The following SNX29 variants were observed in gnomAD, a reference collection of about 807,000 sequenced individuals.
SNX29 encodes the protein sorting nexin 29.
In SNX29, 78 loss-of-function variants were observed where a neutral mutation model predicts 102.1. That is an observed-to-expected ratio of 0.76 (90% CI 0.64 to 0.92). The LOEUF (loss-of-function observed/expected upper bound fraction) is 0.92, where lower values mean the gene tolerates loss of function less well. Ranked by LOEUF, SNX29 falls within the 40% of genes least tolerant of loss-of-function variation. SNX29 has a pLI of 0.00. For missense variants in SNX29, 1,280 were observed against 1,061.7 expected (o/e 1.21, Z -2.86); for synonymous variants, 580 against 414.5 (o/e 1.40, Z -4.85).
At chr16:12,481,545 CACA>C (rs2087931204) in intron 19 of SNX29, among the ~76,000 whole-genome samples, 1 of 131,894 alleles carries the variant, frequency 7.6e-6, no homozygotes, top group East Asian at 2.2e-4. Flanking sequence ...CACACACACA[CACA>C]CACACACCCC....
chr16:12,024,775 A>G (rs1330660036), intron 3 of SNX29, among the ~76,000 whole-genome samples: 2 of 152,248 alleles, frequency 1.3e-5, no homozygotes, highest in African/African-American at 4.8e-5. Context: ...GCAAACTAAT[A>G]GCAATTGTTG....
chr16:12,547,415 C>T (rs901795796), intron 20 of SNX29, among the ~76,000 whole-genome samples: 2 of 152,070 alleles, frequency 1.3e-5, no homozygotes, highest in Non-Finnish European at 1.5e-5. Context: ...AGTTAGGGGA[C>T]CATGTGGGCA....
chr16:12,100,833 G>T (rs527240179), intron 11 of SNX29, among the ~76,000 whole-genome samples: 1 of 152,224 alleles, frequency 6.6e-6, no homozygotes, highest in East Asian at 1.9e-4. Flanking sequence ...TCTGGCCCCT[G>T]GGTGGACTGG....
intron 13 of SNX29, among the ~76,000 whole-genome samples, chr16:12,196,554 T>C (rs1177841177): frequency 1.3e-5 from 2 of 152,040 alleles, no homozygotes; most frequent in Non-Finnish European, 2.9e-5. Flanking sequence ...GGTGCAAACA[T>C]CTCAAATGTC....
At chr16:12,431,565 GAAAT>G (rs2085318010) in intron 18 of SNX29, among the ~76,000 whole-genome samples, 1 of 151,456 alleles carries the variant, frequency 6.6e-6, no homozygotes, top group African/African-American at 2.4e-5. Flanking sequence ...ATCAAAAAGT[GAAAT>G]AAACTCATTC....
At chr16:12,487,492 A>G (rs141144641) in intron 19 of SNX29, among the ~76,000 whole-genome samples, 132 of 152,318 alleles carry the variant, frequency 8.7e-4, no homozygotes, top group African/African-American at 3.1e-3. Context: ...ATCTTGCCCA[A>G]GCTCCCGTAG....
chr16:12,369,301 A>G (rs1317059123), intron 16 of SNX29, among the ~76,000 whole-genome samples: 1 of 151,146 alleles, frequency 6.6e-6, no homozygotes, highest in African/African-American at 2.4e-5. Flanking sequence ...GTGCCCAGCT[A>G]ATTTTTGTAT....
At chr16:12,542,488 C>A (rs1970769) in intron 20 of SNX29, among the ~76,000 whole-genome samples, 2 of 152,166 alleles carry the variant, frequency 1.3e-5, no homozygotes, top group African/African-American at 4.8e-5. Context: ...CCCACTACCA[C>A]ACCTGGCTCA....
At chr16:12,496,121 C>T (rs917023652) in intron 19 of SNX29, among the ~76,000 whole-genome samples, 43 of 152,290 alleles carry the variant, frequency 2.8e-4, no homozygotes, top group African/African-American at 9.9e-4. Context: ...GACATGGAGA[C>T]GTGGAGCCTG....
rs920916454 is a variant in SNX29 at position 12,412,851 on chromosome 16, A to T, written c.2037+9322A>T. On this transcript the variant is annotated intron_variant, in intron 18 of 20. Coordinates refer to ENST00000566228, the MANE Select transcript of SNX29 (RefSeq NM_032167.5). ...GAGAAAATCAAAAGAAGTGTTTTGC[A>T]CTAGATCATACTCTCAGTAGCAAAC... 1.2e-4 allele frequency among the ~76,000 whole-genome samples: 18 copies of T among 152,250 alleles called. 1 individual carries two copies.
At chr16:12,477,941 T>G in intron 19 of SNX29, 82 bp downstream of exon 19, 3 of 1,431,368 alleles carry the variant, frequency 2.1e-6, no homozygotes, top group Non-Finnish European at 2.8e-6. Context: ...GTCCGTTGCT[T>G]AAAAACACAT....
intron 10 of SNX29, among the ~76,000 whole-genome samples, chr16:12,070,423 TGGTGTTTGG>T (rs1307512093): frequency 1.3e-5 from 2 of 149,980 alleles, no homozygotes; most frequent in African/African-American, 2.5e-5. Flanking sequence ...TGAGAACATG[TGGTGTTTGG>T]TTTTTTGTCC....
intron 13 of SNX29, among the ~76,000 whole-genome samples, chr16:12,182,238 T>C (rs997383423): frequency 1.3e-5 from 2 of 150,914 alleles, no homozygotes; most frequent in African/African-American, 4.9e-5. Flanking sequence ...ATTAAAAAAT[T>C]ATTCTGCTGT....
chr16:12,079,274 ATG>A (rs1266382484), intron 11 of SNX29, among the ~76,000 whole-genome samples: 1 of 152,234 alleles, frequency 6.6e-6, no homozygotes, highest in Non-Finnish European at 1.5e-5. Context: ...GAAGAAGAAT[ATG>A]TCTCTCCAAG....
At chr16:12,237,981 A>G (rs148161857) in intron 14 of SNX29, among the ~76,000 whole-genome samples, 1,965 of 152,298 alleles carry the variant, frequency 0.013, 17 homozygotes, top group Non-Finnish European at 0.019. Context: ...CCACAGAAGC[A>G]ACGACGCTGG....
intron 13 of SNX29, among the ~76,000 whole-genome samples, chr16:12,147,354 C>G (rs868724817): frequency 6.6e-6 from 1 of 152,322 alleles, no homozygotes. Context: ...AAAAAAATTA[C>G]CAAAACCCAT....
intron 13 of SNX29, among the ~76,000 whole-genome samples, chr16:12,134,496 CA>C (rs1438740950): frequency 6.6e-6 from 1 of 152,188 alleles, no homozygotes; most frequent in Non-Finnish European, 1.5e-5. Context: ...CAGGAGGCTT[CA>C]GCTCGTTGCC....
intron 11 of SNX29, among the ~76,000 whole-genome samples, chr16:12,120,499 G>C (rs1365835902): frequency 6.6e-6 from 1 of 152,246 alleles, no homozygotes; most frequent in Non-Finnish European, 1.5e-5. Context: ...TGAAAAGGCA[G>C]TTGAAGATCA....
At chr16:12,052,350 G>A in intron 8 of SNX29, 128 bp downstream of exon 8, 2 of 1,018,654 alleles carry the variant, frequency 2.0e-6, no homozygotes, top group Non-Finnish European at 2.9e-6. Flanking sequence ...CCGAGTAGCT[G>A]GGATTACAGG....
Sources: allele counts gnomAD v4.1 joint callset (sites outside exome capture counted in the v4.1 genomes callset), GRCh38; gene constraint gnomAD v4.1.1; transcripts MANE v1.5; gene names NCBI Gene and HGNC (gene_info 2026-07-23, HGNC 2026-07-21).